The following TUBGCP6 variants were observed in gnomAD, a reference collection of about 807,000 sequenced individuals.
TUBGCP6 encodes the protein tubulin gamma complex component 6.
A neutral mutation model predicts 175.8 loss-of-function variants in TUBGCP6; 161 were observed. That is an observed-to-expected ratio of 0.92 (90% CI 0.81 to 1.04). The LOEUF (loss-of-function observed/expected upper bound fraction) is 1.04. Ranked by LOEUF, TUBGCP6 falls within the 50% of genes least tolerant of loss-of-function variation. The probability of loss-of-function intolerance (pLI) is 0.00; values close to 1 mark genes in which losing one functional copy is unlikely to be tolerated. For synonymous variants in TUBGCP6, 1,173 were observed against 1,030.5 expected, an observed-to-expected ratio of 1.14 and a Z score of -2.65; for missense variants, 2,572 against 2,433.0, an observed-to-expected ratio of 1.06 and a Z score of -1.20.
Position 50,240,210 on chromosome 22 carries a change from A to C in TUBGCP6, c.899T>G (p.Val300Gly), listed in dbSNP as rs202149738. The C allele has an allele frequency of 1.0e-4, 161 of 1,613,534 alleles. No individual in the cohort carries two copies. Among genetic ancestry groups the C allele is most frequent in the Non-Finnish European group, 1.3e-4 (152 of 1,180,028 alleles). ...EASKRRCWER[V>G]GCPPGHREEP... ...GGCAAAGAAGGGCACACACCAGCCA[A>C]CTCGCTCCCAGCACCTCCGCTTGCT... Residue 300 changes from valine to glycine, a missense_variant, in exon 2 of 25, where the codon GTT becomes GGT. Val to Gly is a moderately radical substitution (Grantham distance 109). Transcript: ENST00000248846.
In TUBGCP6 at chr22:50,227,018, G is replaced by A; in HGVS notation, c.1472C>T (p.Pro491Leu). ...AVLPGTCGGGPRAAFPTGVKL... is the reference protein window; with the variant it reads ...AVLPGTCGGGLRAAFPTGVKL... ...ACTCACGGTGGGAAACGCGGCCCTG[G>A]GGCCTCCTCCACAGGTGCCCGGGAG... The change falls in exon 6 of 25, where the codon CCC becomes CTC. Residue 491 changes from proline to leucine, a missense_variant. Transcript: ENST00000248846. 1.2e-6 allele frequency: 2 copies of A among 1,612,338 alleles called. No individual in the cohort carries two copies. The highest frequency in any genetic ancestry group is 1.3e-5 in the African/African-American group (1 of 75,012).
At chr22:50,230,859 G>A (rs890399552) in intron 3 of TUBGCP6, among the ~76,000 whole-genome samples, 5 of 151,486 alleles carry the variant, frequency 3.3e-5, no homozygotes, top group South Asian at 2.1e-4. Flanking sequence ...CGAAGCAAGC[G>A]GATCACTTGA....
rs1184649234 is a variant in TUBGCP6 at position 50,233,541 on chromosome 22, G to C, written c.906-15C>G. The C allele has an allele frequency of 3.1e-6, 5 of 1,590,510 alleles. No individual in the cohort carries two copies. In the East Asian group the frequency reaches 1.1e-4, roughly 36 times the overall value. ...GGCCAGGGGGGCTGCGAGGGGTGCA[G>C]AAGAGAGGCCATGAGCAGACGTGGT... On this transcript the variant is annotated splice_polypyrimidine_tract_variant and intron_variant, in intron 2 of 24. Transcript: ENST00000248846.
intron 2 of TUBGCP6, 189 bp downstream of exon 2, chr22:50,240,015 G>T: frequency 1.3e-6 from 1 of 764,210 alleles, no homozygotes; most frequent in Non-Finnish European, 2.1e-6. Context: ...CTTAAAGGCT[G>T]TTAGTGCTTT....
In TUBGCP6 at chr22:50,218,728, A is replaced by G; in HGVS notation, c.4796T>C (p.Leu1599Pro). The change falls in exon 21 of 25, where the codon CTG (leucine) becomes CCG (proline). Residue 1599 changes from leucine (L) to proline (P), a missense_variant. By Grantham distance (98) the Leu-to-Pro change is moderately conservative. Coordinates refer to ENST00000248846, the MANE Select transcript of TUBGCP6 (RefSeq NM_020461.4). Reference sequence around the variant, plus strand: ...CTTGTACCTGAGCTCCAGGCAGCTCAGCACATCCGGGGCGTTGGGGGCAAA... The same window carrying G: ...CTTGTACCTGAGCTCCAGGCAGCTCGGCACATCCGGGGCGTTGGGGGCAAA... ...EVFAPNAPDV[L>P]SCLELRYKVD... The G allele has an allele frequency of 6.2e-7, 1 of 1,613,940 alleles. No homozygotes were observed. Among genetic ancestry groups the G allele is most frequent in the Non-Finnish European group, 8.5e-7 (1 of 1,179,960 alleles).
chr22:50,240,223 A>G lies in TUBGCP6; in HGVS notation c.886T>C (p.Cys296Arg). 1.9e-6 allele frequency: 3 copies of G among 1,613,872 alleles called. No individual in the cohort carries two copies. Among genetic ancestry groups the G allele is most frequent in the Non-Finnish European group, 2.5e-6 (3 of 1,180,016 alleles). Residue 296 changes from cysteine to arginine, a missense_variant, in exon 2 of 25, where the codon TGC becomes CGC. Physicochemically the swap from Cys to Arg is radical, Grantham distance 180. Transcript: ENST00000248846. The part of the protein sequence containing the change: ...ALTYEASKRR[C>R]WERVGCPPGH... ...ACACACCAGCCAACTCGCTCCCAGC[A>G]CCTCCGCTTGCTGGCCTCATAGGTA...
At chr22:50,229,383 A>T in intron 4 of TUBGCP6, 21 bp downstream of exon 4, 1 of 1,609,408 alleles carries the variant, frequency 6.2e-7, no homozygotes, top group South Asian at 1.1e-5. Flanking sequence ...GTGTGTGACA[A>T]CCATGAGGCA....
chr22:50,231,081 C>CAAAAAA (rs35669469), intron 3 of TUBGCP6, among the ~76,000 whole-genome samples: 14 of 22,796 alleles, frequency 6.1e-4, no homozygotes, highest in African/African-American at 2.2e-3. Flanking sequence ...GACTCTATCT[C>CAAAAAA]AAAAAAAAAA....
At chr22:50,231,774 G>C (rs1033710825) in intron 3 of TUBGCP6, among the ~76,000 whole-genome samples, 20 of 150,582 alleles carry the variant, frequency 1.3e-4, no homozygotes, top group Non-Finnish European at 2.5e-4. Flanking sequence ...GCAGGAGAAT[G>C]GTGTGAACCC....
intron 3 of TUBGCP6, among the ~76,000 whole-genome samples, chr22:50,230,817 C>T (rs1028229752): frequency 2.7e-5 from 4 of 150,424 alleles, no homozygotes; most frequent in Admixed American, 2.7e-4. Flanking sequence ...GACGCAGTGG[C>T]TCACATCTGT....
Position 50,244,277 on chromosome 22 carries a change from CAT to C in TUBGCP6, c.181_182del (p.Met61ValfsTer15), listed in dbSNP as rs748511475. On this transcript the variant is annotated frameshift_variant, in exon 1 of 25. Transcript: ENST00000248846. LOFTEE classifies it high-confidence loss of function. Reference sequence around the variant, plus strand: ...TCTTGTTTCTCGCTGGTAGTTTTGACATGTCAGGCTGCAGCTGTTGAGTCTCA... The same window carrying C: ...TCTTGTTTCTCGCTGGTAGTTTTGACGTCAGGCTGCAGCTGTTGAGTCTCA... ...QDETQQLQPD[M>X]SKLPARNKIL... is the part of the protein sequence containing the mutation. The C allele has an allele frequency of 1.2e-6, 2 of 1,613,646 alleles. No individual in the cohort carries two copies. Among genetic ancestry groups the C allele is most frequent in the Non-Finnish European group, 1.7e-6 (2 of 1,180,042 alleles).
At chr22:50,239,126 G>A (rs539535110) in intron 2 of TUBGCP6, among the ~76,000 whole-genome samples, 26 of 152,374 alleles carry the variant, frequency 1.7e-4, no homozygotes, top group African/African-American at 6.3e-4. Flanking sequence ...TGGACTGGAT[G>A]TGAACGGGGC....
chr22:50,242,748 G>C (rs2064855677), intron 1 of TUBGCP6, among the ~76,000 whole-genome samples: 2 of 152,218 alleles, frequency 1.3e-5, no homozygotes, highest in Non-Finnish European at 2.9e-5. Context: ...GCCACACGTG[G>C]CTACTGAGCA....
At chr22:50,222,699 C>T in intron 13 of TUBGCP6, 107 bp from the exon 14 acceptor site, 5 of 1,482,476 alleles carry the variant, frequency 3.4e-6, no homozygotes, top group Non-Finnish European at 3.6e-6. Context: ...CCCAGTGGGC[C>T]CCCGCCCCCG....
At chr22:50,240,666 T>TA (rs1364824069) in intron 1 of TUBGCP6, among the ~76,000 whole-genome samples, 5 of 151,958 alleles carry the variant, frequency 3.3e-5, no homozygotes, top group Non-Finnish European at 5.9e-5. Context: ...AACCCAGAAT[T>TA]AAAAAAATCA....
In TUBGCP6 at chr22:50,240,244, A is replaced by G. The variant is rs775412789; in HGVS notation, c.865T>C (p.Tyr289His). The change falls in exon 2 of 25, where the codon TAT becomes CAT. Residue 289 changes from tyrosine (Y) to histidine (H), a missense_variant. Transcript: ENST00000248846. ...CAGCACCTCCGCTTGCTGGCCTCAT[A>G]GGTAAGTGCGGCTTCCCACAGGTCC... ...DVDLWEAALT[Y>H]EASKRRCWER... 9 of 1,613,878 alleles carry G rather than the reference A, an allele frequency of 5.6e-6. No individual in the cohort carries two copies. The highest frequency in any genetic ancestry group is 7.6e-6 in the Non-Finnish European group (9 of 1,180,048).
rs767750685 is a variant in TUBGCP6, at chr22:50,233,378, G to A, written c.1054C>T (p.Leu352=). Residue 352 remains leucine (L), a synonymous_variant, in exon 3 of 25, where the codon CTG becomes TTG. Coordinates refer to ENST00000248846, the MANE Select transcript of TUBGCP6 (RefSeq NM_020461.4). ...PQPVLVKECE[L]VKDVLNVLIG... ...AAGACGTTCAGCACGTCTTTCACCA[G>A]CTCGCACTCCTTCACCAGCACGGGC... is the stretch of plus-strand genomic sequence containing the variant. 1 of 1,614,062 alleles carries A rather than the reference G, an allele frequency of 6.2e-7. No homozygotes were observed. The highest frequency in any genetic ancestry group is 1.7e-4 in the Middle Eastern group (1 of 6,058).
At chr22:50,235,050 C>A (rs1237598504) in intron 2 of TUBGCP6, among the ~76,000 whole-genome samples, 1 of 150,464 alleles carries the variant, frequency 6.6e-6, no homozygotes, top group Non-Finnish European at 1.5e-5. Flanking sequence ...TCAGCCACAC[C>A]CCTGTCCACA....
At position 50,219,796 on chromosome 22, in the gene TUBGCP6, C is replaced by G; in HGVS notation, c.4168-5G>C. The stretch of plus-strand genomic sequence containing the variant: ...GCTCTGGGCAGCTGTGTCTTCCTAA[C>G]AAAACACCAGCCTCAGAACCACCTC... On this transcript the variant is annotated splice_polypyrimidine_tract_variant and splice_region_variant and intron_variant, in intron 17 of 24. Coordinates refer to ENST00000248846, the MANE Select transcript of TUBGCP6 (RefSeq NM_020461.4). 1 of 1,612,022 alleles carries G rather than the reference C, an allele frequency of 6.2e-7. No individual in the cohort carries two copies. Among genetic ancestry groups the G allele is most frequent in the South Asian group, 1.1e-5 (1 of 91,038 alleles).
Sources: gnomAD v4.1 joint callset for allele counts (sites outside exome capture counted in the v4.1 genomes callset) on GRCh38, gnomAD v4.1.1 for gene constraint, MANE v1.5 for transcripts, NCBI Gene and HGNC (gene_info 2026-07-23, HGNC 2026-07-21) for gene names.